ZBTB20: variants seen among roughly 807,000 people sequenced by gnomAD.
ZBTB20 encodes zinc finger and BTB domain-containing protein 20.
A neutral mutation model predicts 56.9 loss-of-function variants in ZBTB20; 9 were observed. That is an observed-to-expected ratio of 0.16 (90% CI 0.10 to 0.28). The LOEUF is 0.28. Ranked by LOEUF, ZBTB20 falls within the 10% of genes least tolerant of loss-of-function variation. ZBTB20 has a pLI of 1.00. For missense variants in ZBTB20, 655 were observed against 1,003.0 expected, an observed-to-expected ratio of 0.65 and a Z score of 4.69; for synonymous variants, 417 against 420.7, an observed-to-expected ratio of 0.99 and a Z score of 0.11.
intron 1 of ZBTB20, among the ~76,000 whole-genome samples, chr3:115,113,893 C>G (rs779864943): frequency 3.3e-5 from 5 of 152,144 alleles, no homozygotes; most frequent in South Asian, 2.1e-4. Context: ...CTTTCCAACA[C>G]TTTTGTAATC....
intron 6 of ZBTB20, among the ~76,000 whole-genome samples, chr3:114,610,063 G>GCAGCAGCAGCAAAAGCAGCAA (rs1177503254): frequency 1.3e-5 from 2 of 152,132 alleles, no homozygotes; most frequent in South Asian, 2.1e-4. Context: ...CACAGCAGCA[G>GCAGCAGCAGCAAAAGCAGCAA]CAGCAGCAGC....
chr3:114,925,873 C>T, intron 3 of ZBTB20, among the ~76,000 whole-genome samples: 1 of 152,136 alleles, frequency 6.6e-6, no homozygotes. Flanking sequence ...TGTGGATACT[C>T]CAGACTTGGA....
intron 2 of ZBTB20, among the ~76,000 whole-genome samples, chr3:115,051,989 A>G (rs2081568259): frequency 6.6e-6 from 1 of 152,112 alleles, no homozygotes. Flanking sequence ...TCATGAGAAC[A>G]GCAAGCGGGA....
intron 5 of ZBTB20, among the ~76,000 whole-genome samples, chr3:114,757,978 TA>T (rs1425515770): frequency 6.6e-6 from 1 of 152,128 alleles, no homozygotes; most frequent in Non-Finnish European, 1.5e-5. Context: ...TAATTTAGTT[TA>T]AATTATGATT....
chr3:114,814,861 G>A (rs1243429485), intron 4 of ZBTB20, among the ~76,000 whole-genome samples: 1 of 152,162 alleles, frequency 6.6e-6, no homozygotes, highest in Non-Finnish European at 1.5e-5. Flanking sequence ...GCATCTGCTT[G>A]AGCAAAGGGT....
At chr3:114,954,384 T>C (rs1213614946) in intron 3 of ZBTB20, among the ~76,000 whole-genome samples, 3 of 152,290 alleles carry the variant, frequency 2.0e-5, no homozygotes, top group Admixed American at 6.5e-5. Context: ...GCTATAAAAA[T>C]ATTTAGATTT....
At position 114,481,719 on chromosome 3, in the gene ZBTB20, T is replaced by C. The variant is rs909453838; in HGVS notation, c.-255+18633A>G. 3.9e-5 allele frequency among the ~76,000 whole-genome samples: 6 copies of C among 152,316 alleles called. No individual in the cohort carries two copies. In the East Asian group the frequency reaches 1.2e-3, roughly 29 times the overall value. ...TCCTTCCCTAATAGTCAGTGGACTC[T>C]TTTAGGTGAAGGACTGTGTCTCTAT... On this transcript the variant is annotated intron_variant, in intron 7 of 11. Coordinates refer to ENST00000675478, the MANE Select transcript of ZBTB20 (RefSeq NM_001348800.3).
chr3:115,039,434 T>A (rs1387502138), intron 2 of ZBTB20, among the ~76,000 whole-genome samples: 2 of 152,046 alleles, frequency 1.3e-5, no homozygotes, highest in African/African-American at 4.8e-5. Context: ...GAATACTAGA[T>A]ACAGGTTTCA....
rs566097601 is a variant in ZBTB20, at chr3:114,425,592, T to G, written c.-254-36487A>C. Reference sequence around the variant, plus strand: ...TTTATTTCCTCAATATTACCTTTTGTAACTCTTAAATATGCTGTCCCTCAA... The same window carrying G: ...TTTATTTCCTCAATATTACCTTTTGGAACTCTTAAATATGCTGTCCCTCAA... On this transcript the variant is annotated intron_variant, in intron 7 of 11. Transcript: ENST00000675478. 9.2e-5 allele frequency among the ~76,000 whole-genome samples: 14 copies of G among 152,320 alleles called. No homozygotes were observed. The South Asian group carries it at 2.9e-3, about 32-fold the overall frequency.
chr3:114,523,493 T>C (rs755323512), intron 6 of ZBTB20, among the ~76,000 whole-genome samples: 4 of 152,176 alleles, frequency 2.6e-5, no homozygotes, highest in Non-Finnish European at 5.9e-5. Context: ...GTTTGTATAC[T>C]GATAGGAAAG....
chr3:114,901,116 T>C (rs1411802513), intron 3 of ZBTB20, among the ~76,000 whole-genome samples: 1 of 152,066 alleles, frequency 6.6e-6, no homozygotes, highest in Admixed American at 6.6e-5. Context: ...AAATATTTCC[T>C]AGTTCTAGCC....
chr3:114,950,400 T>C (rs1480863502), intron 3 of ZBTB20, among the ~76,000 whole-genome samples: 2 of 152,272 alleles, frequency 1.3e-5, no homozygotes, highest in Middle Eastern at 3.4e-3. Context: ...GTGGTCTCCC[T>C]CCCTCCTCTT....
At chr3:114,845,335 TTTG>T (rs929946969) in intron 4 of ZBTB20, among the ~76,000 whole-genome samples, 6 of 148,024 alleles carry the variant, frequency 4.1e-5, no homozygotes, top group African/African-American at 1.5e-4. Flanking sequence ...TATTCAATTT[TTTG>T]TTATCTGATC....
At chr3:114,595,605 A>G (rs1346410556) in intron 6 of ZBTB20, among the ~76,000 whole-genome samples, 1 of 152,228 alleles carries the variant, frequency 6.6e-6, no homozygotes, top group Non-Finnish European at 1.5e-5. Context: ...TCCAAGGACC[A>G]TTAAGAGTTC....
intron 2 of ZBTB20, among the ~76,000 whole-genome samples, chr3:115,022,362 T>C (rs907913617): frequency 1.3e-5 from 2 of 151,020 alleles, no homozygotes; most frequent in African/African-American, 2.4e-5. Context: ...GTAGTTGCCT[T>C]GGGAGACAGT....
rs1475339813 is a variant in ZBTB20 at position 114,318,048 on chromosome 3, T to C, written c.*20957A>G. ...CCAGTTAAATATCTCCAGTTCATCA[T>C]GGTACAGCTTTTGGTGTTTCCCTTT... On this transcript the variant is annotated 3_prime_UTR_variant, in exon 12 of 12. Coordinates refer to ENST00000675478, the MANE Select transcript of ZBTB20 (RefSeq NM_001348800.3). The C allele has an allele frequency of 2.0e-5, 3 of 152,244 alleles. No homozygotes were observed. Among genetic ancestry groups the C allele is most frequent in the South Asian group, 2.1e-4 (1 of 4,836 alleles). The allele number at this position is 152,244 out of a possible 1,614,324, so 9.4% of individuals were successfully genotyped here. A position where few individuals can be genotyped will look rare whatever the true frequency, so the allele number is the denominator to read the frequency against.
rs191614363 is a variant in ZBTB20, at chr3:114,429,709, A to C, written c.-254-40604T>G. On this transcript the variant is annotated intron_variant, in intron 7 of 11. Transcript: ENST00000675478. ...AAATGGAAAATATTTGGAAAAAAAA[A>C]ACCTCCAATAAAAAATAATGATACC... 2.3e-3 allele frequency among the ~76,000 whole-genome samples: 347 copies of C among 152,258 alleles called. 1 individual carries two copies. The highest frequency in any genetic ancestry group is 7.4e-3 in the African/African-American group (309 of 41,546).
intron 4 of ZBTB20, among the ~76,000 whole-genome samples, chr3:114,856,068 T>A (rs1359811891): frequency 6.6e-6 from 1 of 152,168 alleles, no homozygotes. Flanking sequence ...TCTGGCTGTG[T>A]GGTATTAGAC....
At chr3:114,965,195 A>C (rs1318130143) in intron 3 of ZBTB20, among the ~76,000 whole-genome samples, 1 of 152,168 alleles carries the variant, frequency 6.6e-6, no homozygotes, top group Non-Finnish European at 1.5e-5. Flanking sequence ...TTAATATATC[A>C]TGATGTTGTT....
Sources: allele counts gnomAD v4.1 joint callset (sites outside exome capture counted in the v4.1 genomes callset), GRCh38; gene constraint gnomAD v4.1.1; transcripts MANE v1.5; gene names NCBI Gene and HGNC (gene_info 2026-07-23, HGNC 2026-07-21).